The following XIRP2 variants were observed in gnomAD, a reference collection of about 807,000 sequenced individuals.
XIRP2 encodes xin actin binding repeat containing 2.
A neutral mutation model predicts 277.0 loss-of-function variants in XIRP2; 236 were observed. That is an observed-to-expected ratio of 0.85 (90% CI 0.77 to 0.95). The LOEUF (loss-of-function observed/expected upper bound fraction) is 0.95, where lower values mean the gene tolerates loss of function less well. Ranked by LOEUF, XIRP2 falls within the 40% of genes least tolerant of loss-of-function variation. The pLI is 0.00. For synonymous variants in XIRP2, 1,490 were observed against 1,416.5 expected, an observed-to-expected ratio of 1.05 and a Z score of -1.17; for missense variants, 4,640 against 4,157.5, an observed-to-expected ratio of 1.12 and a Z score of -3.19.
At chr2:167,138,591 G>A (rs1329096220) in intron 3 of XIRP2, among the ~76,000 whole-genome samples, 3 of 152,114 alleles carry the variant, frequency 2.0e-5, no homozygotes, top group Admixed American at 1.3e-4. Flanking sequence ...TTTTCTTGGA[G>A]ATACACTCTA....
rs528962448 is a variant in XIRP2, at chr2:166,981,600, C to T, written c.408+77710C>T. Among the ~76,000 whole-genome samples the T allele has an allele frequency of 4.5e-3, 687 of 151,862 alleles. 2 individuals carry two copies. Among genetic ancestry groups the T allele is most frequent in the South Asian group, 0.013 (62 of 4,804 alleles). Reference sequence around the variant, plus strand: ...CCATGCCTGGCTAATTTTTTTTCACCGTGTTGCCCAGGCTGGTCGCGAACT... The same window carrying T: ...CCATGCCTGGCTAATTTTTTTTCACTGTGTTGCCCAGGCTGGTCGCGAACT... On this transcript the variant is annotated intron_variant, in intron 2 of 10. Transcript: ENST00000409195.
chr2:166,915,317 A>G (rs895076274), intron 2 of XIRP2, among the ~76,000 whole-genome samples: 15 of 151,020 alleles, frequency 9.9e-5, no homozygotes, highest in East Asian at 1.9e-4. Flanking sequence ...AAAAAAAAAA[A>G]AAAAAGAAAA....
At chr2:166,986,950 C>G (rs1436291019) in intron 2 of XIRP2, among the ~76,000 whole-genome samples, 2 of 152,092 alleles carry the variant, frequency 1.3e-5, no homozygotes, top group Non-Finnish European at 2.9e-5. Context: ...AAAATACTTT[C>G]TTATATAATT....
chr2:167,245,780 A>G lies in XIRP2; in HGVS notation c.4388A>G (p.Glu1463Gly). Residue 1463 changes from glutamate to glycine, a missense_variant, in exon 9 of 11, where the codon GAA becomes GGA. Coordinates refer to ENST00000409195, the MANE Select transcript of XIRP2 (RefSeq NM_152381.6). ...CTATTTGAAACCCACACTATGGATG[A>G]ACTGAGAGGAGAAGGGTTAGAATAT... ...TWLFETHTMD[E>G]LRGEGLEYEN... 6.2e-7 allele frequency: 1 copy of G among 1,613,784 alleles called. No homozygotes were observed.
intron 2 of XIRP2, among the ~76,000 whole-genome samples, chr2:166,939,941 T>C (rs1012409802): frequency 5.9e-5 from 9 of 152,096 alleles, no homozygotes; most frequent in Admixed American, 4.6e-4. Context: ...TTGCTTTTCT[T>C]GAGGAGAATC....
chr2:166,981,219 G>T (rs1346564778), intron 2 of XIRP2, among the ~76,000 whole-genome samples: 2 of 152,088 alleles, frequency 1.3e-5, no homozygotes, highest in Non-Finnish European at 2.9e-5. Flanking sequence ...GAGGCTACAA[G>T]TCTGAATCAA....
intron 2 of XIRP2, among the ~76,000 whole-genome samples, chr2:167,084,051 C>A (rs7606262): frequency 0.12 from 17,825 of 151,734 alleles, 2,153 homozygotes; most frequent in African/African-American, 0.31. Flanking sequence ...AGTTTTTGCC[C>A]ATTCAGTATG....
chr2:167,215,418 G>T (rs1250993583), intron 4 of XIRP2, among the ~76,000 whole-genome samples: 1 of 152,138 alleles, frequency 6.6e-6, no homozygotes, highest in Admixed American at 6.5e-5. Context: ...ACTTAGTAAA[G>T]CAACAACTTG....
At chr2:167,226,728 AG>A (rs1163705575) in intron 5 of XIRP2, among the ~76,000 whole-genome samples, 1 of 152,090 alleles carries the variant, frequency 6.6e-6, no homozygotes, top group African/African-American at 2.4e-5. Context: ...GTTATGCTAC[AG>A]GGATGTAGTG....
intron 10 of XIRP2, among the ~76,000 whole-genome samples, chr2:167,256,513 C>G (rs1010571453): frequency 2.0e-5 from 3 of 151,606 alleles, no homozygotes; most frequent in Admixed American, 6.6e-5. Context: ...GGTCTTTTAT[C>G]ATGTTCTTAA....
At chr2:167,083,870 A>G (rs1367060836) in intron 2 of XIRP2, among the ~76,000 whole-genome samples, 3 of 151,952 alleles carry the variant, frequency 2.0e-5, no homozygotes, top group Non-Finnish European at 2.9e-5. Flanking sequence ...TAGATATACA[A>G]TCATGTCGTC....
chr2:166,934,850 T>TAA (rs11372263), intron 2 of XIRP2, among the ~76,000 whole-genome samples: 11,107 of 150,402 alleles, frequency 0.074, 888 homozygotes, highest in East Asian at 0.46. Context: ...CTACTAAAAA[T>TAA]AAAAAAAAAA....
chr2:167,089,257 T>G (rs984607516), intron 2 of XIRP2, among the ~76,000 whole-genome samples: 1 of 152,162 alleles, frequency 6.6e-6, no homozygotes, highest in African/African-American at 2.4e-5. Flanking sequence ...AGACAACTTT[T>G]TCTAAAACTC....
intron 2 of XIRP2, among the ~76,000 whole-genome samples, chr2:166,986,888 G>A (rs1687021304): frequency 6.6e-6 from 1 of 152,146 alleles, no homozygotes; most frequent in Admixed American, 6.5e-5. Context: ...AAGTAGAATT[G>A]TCTAGGCTTA....
In XIRP2 at chr2:167,248,437, C is replaced by T. The variant is rs1695353208; in HGVS notation, c.7045C>T (p.Pro2349Ser). ...ESFPGLPLPP[P>S]PVDEKSERES... ...TTTTCCAGGCCTCCCTCTTCCTCCA[C>T]CTCCAGTAGATGAGAAATCTGAAAG... Residue 2349 changes from proline (P) to serine (S), a missense_variant, in exon 9 of 11, where the codon CCT becomes TCT. Pro to Ser is a moderately conservative substitution (Grantham distance 74). Coordinates refer to ENST00000409195, the MANE Select transcript of XIRP2 (RefSeq NM_152381.6). 6 of 1,613,724 alleles carry T rather than the reference C, an allele frequency of 3.7e-6. No homozygotes were observed. Among genetic ancestry groups the T allele is most frequent in the Non-Finnish European group, 5.1e-6 (6 of 1,179,878 alleles).
chr2:167,243,208 C>G lies in XIRP2; in HGVS notation c.1816C>G (p.Gln606Glu). The stretch of plus-strand genomic sequence containing the variant: ...TGATATTTCCAGGGGCATTGCTGAT[C>G]AAGAAATCATTGCTGGTGGTGATGT... ...EGDISRGIADQEIIAGGDVKY... is the reference protein window; with the variant it reads ...EGDISRGIADEEIIAGGDVKY... Residue 606 changes from glutamine (Q) to glutamate (E), a missense_variant, in exon 9 of 11, where the codon CAA becomes GAA. Transcript: ENST00000409195. The G allele has an allele frequency of 1.2e-6, 2 of 1,614,024 alleles. No individual in the cohort carries two copies. Among genetic ancestry groups the G allele is most frequent in the Non-Finnish European group, 1.7e-6 (2 of 1,179,990 alleles).
Position 167,244,843 on chromosome 2 carries a change from A to G in XIRP2, c.3451A>G (p.Thr1151Ala), listed in dbSNP as rs556936903. The G allele has an allele frequency of 1.9e-6, 3 of 1,613,704 alleles. No individual in the cohort carries two copies. The African/African-American group carries it at 4.0e-5, about 22-fold the overall frequency. The part of the protein sequence containing the change: ...DDSETAVKLQ[T>A]VKQEEIQGGD... ...CTCTGAAACAGCAGTCAAATTGCAA[A>G]CTGTAAAACAGGAGGAGATCCAAGG... is the stretch of plus-strand genomic sequence containing the variant. Residue 1151 changes from threonine (T) to alanine (A), a missense_variant, in exon 9 of 11, where the codon ACT becomes GCT. Physicochemically the swap from Thr to Ala is moderately conservative, Grantham distance 58. Transcript: ENST00000409195.
At chr2:166,961,563 C>T (rs964033952) in intron 2 of XIRP2, among the ~76,000 whole-genome samples, 12 of 151,642 alleles carry the variant, frequency 7.9e-5, no homozygotes, top group Non-Finnish European at 1.8e-4. Flanking sequence ...CTATGTGTGA[C>T]AATAGTTATA....
chr2:167,166,673 C>G (rs963006710), intron 3 of XIRP2, among the ~76,000 whole-genome samples: 1 of 152,128 alleles, frequency 6.6e-6, no homozygotes, highest in Admixed American at 6.6e-5. Context: ...ATGTGTGGCA[C>G]TCTTTTAAAC....
Sources: allele counts gnomAD v4.1 joint callset (sites outside exome capture counted in the v4.1 genomes callset), GRCh38; gene constraint gnomAD v4.1.1; transcripts MANE v1.5; gene names NCBI Gene and HGNC (gene_info 2026-07-23, HGNC 2026-07-21).